The following ACER3 variants were observed in gnomAD, a reference collection of about 807,000 sequenced individuals.
ACER3 encodes alkaline ceramidase 3.
ACER3 carries 16 observed loss-of-function variants against 48.9 expected under a neutral mutation model. The observed-to-expected ratio is 0.33, with a 90% CI of 0.22 to 0.50. ACER3 has a LOEUF of 0.50. Among genes scored for constraint, ACER3 ranks in the 20% least tolerant of loss-of-function variants. The pLI, the probability that ACER3 is intolerant of heterozygous loss-of-function variation, is 0.98. For synonymous variants in ACER3, 109 were observed against 107.8 expected (o/e 1.01, Z -0.07); for missense variants, 227 against 326.0 (o/e 0.70, Z 2.34).
At chr11:76,895,033 TTTA>T (rs1238579311) in intron 1 of ACER3, among the ~76,000 whole-genome samples, 1 of 152,116 alleles carries the variant, frequency 6.6e-6, no homozygotes, top group African/African-American at 2.4e-5. Context: ...GTTTTAATAC[TTTA>T]TTATTATATA....
At chr11:77,012,617 C>T (rs1269659642) in intron 7 of ACER3, among the ~76,000 whole-genome samples, 2 of 151,986 alleles carry the variant, frequency 1.3e-5, no homozygotes, top group African/African-American at 4.8e-5. Flanking sequence ...TATGCAAGAC[C>T]TGTACATTGA....
At chr11:77,019,165 AT>A (rs1173991892) in intron 9 of ACER3, among the ~76,000 whole-genome samples, 4 of 152,156 alleles carry the variant, frequency 2.6e-5, no homozygotes, top group Non-Finnish European at 5.9e-5. Context: ...GCCCTTAAGA[AT>A]TATGCTAAAT....
intron 7 of ACER3, among the ~76,000 whole-genome samples, chr11:77,000,109 C>T (rs751781149): frequency 2.0e-5 from 3 of 152,174 alleles, no homozygotes; most frequent in Non-Finnish European, 2.9e-5. Flanking sequence ...TTTGCATCCT[C>T]ACCAGAATTT....
At chr11:76,879,671 G>A (rs1183560709) in intron 1 of ACER3, among the ~76,000 whole-genome samples, 1 of 152,162 alleles carries the variant, frequency 6.6e-6, no homozygotes, top group Admixed American at 6.5e-5. Flanking sequence ...CTATATCAAA[G>A]TGATCATGTG....
intron 2 of ACER3, among the ~76,000 whole-genome samples, chr11:76,932,918 C>A (rs948650117): frequency 5.3e-5 from 8 of 150,378 alleles, no homozygotes; most frequent in African/African-American, 2.0e-4. Flanking sequence ...TCTATGAAAG[C>A]AGTCTAAGAT....
At chr11:76,896,980 CAG>C (rs1359905936) in intron 1 of ACER3, among the ~76,000 whole-genome samples, 3 of 152,006 alleles carry the variant, frequency 2.0e-5, no homozygotes, top group African/African-American at 7.2e-5. Context: ...GTTTTTGAGA[CAG>C]AGTCTTGCTC....
chr11:76,872,717 C>T (rs1228549047), intron 1 of ACER3, among the ~76,000 whole-genome samples: 1 of 152,022 alleles, frequency 6.6e-6, no homozygotes, highest in Non-Finnish European at 1.5e-5. Flanking sequence ...TTCTAATGAA[C>T]TGTTTTATTA....
intron 2 of ACER3, among the ~76,000 whole-genome samples, chr11:76,933,473 T>C (rs894075120): frequency 2.7e-5 from 4 of 149,408 alleles, no homozygotes; most frequent in African/African-American, 9.8e-5. Context: ...GATTAGGGAG[T>C]GGTGATGACT....
At chr11:76,923,886 C>T (rs983084783) in intron 1 of ACER3, among the ~76,000 whole-genome samples, 1 of 152,174 alleles carries the variant, frequency 6.6e-6, no homozygotes, top group Non-Finnish European at 1.5e-5. Context: ...CACCATGATT[C>T]TTTCCTGGCT....
chr11:76,898,687 GAGGTC>G (rs200626724), intron 1 of ACER3, among the ~76,000 whole-genome samples: 4,595 of 151,838 alleles, frequency 0.03, 88 homozygotes, highest in South Asian at 0.065. Flanking sequence ...GGCGGATGAC[GAGGTC>G]AGGAGATCGA....
chr11:76,989,520 G>A (rs1948755475), intron 5 of ACER3, among the ~76,000 whole-genome samples: 1 of 152,108 alleles, frequency 6.6e-6, no homozygotes, highest in East Asian at 1.9e-4. Context: ...CAAGAAGGAG[G>A]TATAGTTTGA....
intron 6 of ACER3, chr11:76,994,149 TGATAA>T: frequency 2.3e-6 from 1 of 430,358 alleles, no homozygotes; most frequent in Non-Finnish European, 4.6e-6. Context: ...TTTTTTTTTT[TGATAA>T]GGAGTCTCAC....
At chr11:76,933,357 A>G (rs1947071288) in intron 2 of ACER3, among the ~76,000 whole-genome samples, 1 of 145,092 alleles carries the variant, frequency 6.9e-6, no homozygotes, top group South Asian at 2.3e-4. Context: ...TCATAGGACA[A>G]TAGTGGAGGG....
At chr11:76,883,061 G>A (rs1405121143) in intron 1 of ACER3, among the ~76,000 whole-genome samples, 1 of 151,956 alleles carries the variant, frequency 6.6e-6, no homozygotes, top group South Asian at 2.1e-4. Flanking sequence ...TGTTTCTTAT[G>A]TACTGTGTCA....
intron 3 of ACER3, among the ~76,000 whole-genome samples, chr11:76,959,563 T>C (rs933772526): frequency 5.9e-5 from 9 of 152,038 alleles, no homozygotes; most frequent in Non-Finnish European, 1.2e-4. Context: ...TTATTTTTCA[T>C]TTTTTTGAGT....
At chr11:76,864,919 A>ATTTT (rs34901215) in intron 1 of ACER3, among the ~76,000 whole-genome samples, 2 of 115,926 alleles carry the variant, frequency 1.7e-5, no homozygotes, top group African/African-American at 3.1e-5. Context: ...TTTTAAATTA[A>ATTTT]TTTTTTTTTT....
At chr11:76,965,837 C>A (rs1948122545) in intron 3 of ACER3, among the ~76,000 whole-genome samples, 1 of 151,232 alleles carries the variant, frequency 6.6e-6, no homozygotes, top group South Asian at 2.1e-4. Context: ...ACAACCGGTA[C>A]CAGCCACTGC....
At chr11:76,963,335 C>G (rs1457444783) in intron 3 of ACER3, among the ~76,000 whole-genome samples, 2 of 149,722 alleles carry the variant, frequency 1.3e-5, no homozygotes, top group South Asian at 2.1e-4. Context: ...TTCTCAAACA[C>G]TTACAGACAT....
intron 1 of ACER3, among the ~76,000 whole-genome samples, chr11:76,917,473 G>T (rs1046183106): frequency 2.6e-5 from 4 of 152,060 alleles, no homozygotes. Flanking sequence ...CAGCACTTTG[G>T]GGGGCTGAGG....
Sources: gnomAD v4.1 joint callset for allele counts (sites outside exome capture counted in the v4.1 genomes callset) on GRCh38, gnomAD v4.1.1 for gene constraint, MANE v1.5 for transcripts, NCBI Gene and HGNC (gene_info 2026-07-23, HGNC 2026-07-21) for gene names.